ARSK: variants seen among roughly 807,000 people sequenced by gnomAD.
The protein encoded by ARSK is arylsulfatase family member K, also known as arylsulfatase K.
A neutral mutation model predicts 53.2 loss-of-function variants in ARSK; 37 were observed. The ratio of observed to expected loss-of-function variants is 0.70; its 90% CI spans 0.54 to 0.92. The LOEUF (loss-of-function observed/expected upper bound fraction) is 0.92, where lower values mean the gene tolerates loss of function less well. ARSK is among the 40% of genes least tolerant of loss of function. The pLI is 0.00. For synonymous variants in ARSK, 208 were observed against 223.2 expected (o/e 0.93, Z 0.61); for missense variants, 613 against 643.0 (o/e 0.95, Z 0.51).
At chr5:95,600,506 G>A in intron 6 of ARSK, 1 of 399,678 alleles carries the variant, frequency 2.5e-6, no homozygotes, top group Non-Finnish European at 4.8e-6. Context: ...ACTATTTGTT[G>A]AAGGCTCCTA....
intron 6 of ARSK, among the ~76,000 whole-genome samples, chr5:95,599,611 C>T (rs1749364375): frequency 6.6e-6 from 1 of 152,178 alleles, no homozygotes; most frequent in Non-Finnish European, 1.5e-5. Context: ...TAACCAGTCA[C>T]CTCTGAAATA....
At chr5:95,586,794 C>T in intron 5 of ARSK, 61 bp downstream of exon 5, 1 of 1,389,916 alleles carries the variant, frequency 7.2e-7, no homozygotes, top group South Asian at 1.5e-5. Flanking sequence ...TTCCAACAGT[C>T]TGTAATCATG....
chr5:95,585,835 A>T (rs899700777), intron 4 of ARSK, among the ~76,000 whole-genome samples: 2 of 152,216 alleles, frequency 1.3e-5, no homozygotes, highest in Admixed American at 1.3e-4. Flanking sequence ...TAAAAAAACT[A>T]ATCAGAAACA....
intron 3 of ARSK, among the ~76,000 whole-genome samples, chr5:95,577,339 C>T (rs753208756): frequency 2.6e-5 from 4 of 152,062 alleles, no homozygotes; most frequent in Admixed American, 2.0e-4. Flanking sequence ...TGATCTAAAC[C>T]ATTTTTAGAT....
Position 95,604,833 on chromosome 5 carries a change from G to A in ARSK, c.*1307G>A, listed in dbSNP as rs1749473320. Reference sequence around the variant, plus strand: ...CTATTCTTTGCCTATTTTTCTGTTGGTTGTTGGTCTTTGTTTTGTATTACA... The same window carrying A: ...CTATTCTTTGCCTATTTTTCTGTTGATTGTTGGTCTTTGTTTTGTATTACA... On this transcript the variant is annotated 3_prime_UTR_variant, in exon 8 of 8. Transcript: ENST00000380009. The A allele has an allele frequency of 1.3e-5, 2 of 152,058 alleles. No individual in the cohort carries two copies. The allele number at this position is 152,058 out of a possible 1,614,324, so 9.4% of individuals were successfully genotyped here. A position where few individuals can be genotyped will look rare whatever the true frequency, so the allele number is the denominator to read the frequency against.
intron 3 of ARSK, among the ~76,000 whole-genome samples, chr5:95,568,749 A>G (rs1748773943): frequency 1.3e-5 from 2 of 152,168 alleles, no homozygotes; most frequent in Admixed American, 6.5e-5. Flanking sequence ...GAGTATTCCC[A>G]CTATTCCTTA....
rs957133720 is a variant in ARSK, at chr5:95,555,409, G to T, written c.126+5G>T. ...CTGGTCGTGAGCGACTCCTTCGTAA[G>T]TACCGCGAGGCAGGGGAGGGGCGCC... On this transcript the variant is annotated splice_donor_5th_base_variant and intron_variant, in intron 1 of 7. Coordinates refer to ENST00000380009, the MANE Select transcript of ARSK (RefSeq NM_198150.3). The surrounding 1 kb of genome is among the most constrained non-coding windows in gnomAD (Gnocchi z 4.0). 1 of 1,599,702 alleles carries T rather than the reference G, an allele frequency of 6.3e-7. No individual in the cohort carries two copies. Among genetic ancestry groups the T allele is most frequent in the African/African-American group, 1.3e-5 (1 of 74,408 alleles).
intron 3 of ARSK, among the ~76,000 whole-genome samples, chr5:95,579,238 G>A (rs1449822023): frequency 6.6e-6 from 1 of 152,134 alleles, no homozygotes; most frequent in African/African-American, 2.4e-5. Flanking sequence ...TTGTGATTCA[G>A]TGAGTCTAGG....
chr5:95,580,111 A>C (rs531304035), intron 3 of ARSK, among the ~76,000 whole-genome samples: 1 of 152,342 alleles, frequency 6.6e-6, no homozygotes, highest in South Asian at 2.1e-4. Context: ...ATTTATATTG[A>C]GAACAGCCAT....
intron 5 of ARSK, among the ~76,000 whole-genome samples, chr5:95,587,188 A>G (rs1192965285): frequency 6.6e-6 from 1 of 152,136 alleles, no homozygotes; most frequent in Non-Finnish European, 1.5e-5. Context: ...TGGCTTAACT[A>G]AAGTTTCTCC....
chr5:95,562,195 G>A (rs558902151), intron 1 of ARSK, among the ~76,000 whole-genome samples: 223 of 151,768 alleles, frequency 1.5e-3, no homozygotes, highest in African/African-American at 5.3e-3. Context: ...TTGGTGACAG[G>A]GTGAGTCTCT....
intron 6 of ARSK, among the ~76,000 whole-genome samples, chr5:95,596,108 G>A (rs540444393): frequency 1.3e-5 from 2 of 152,246 alleles, no homozygotes; most frequent in East Asian, 1.9e-4. Flanking sequence ...GATGGTCTAC[G>A]TTTAATCTGA....
chr5:95,572,428 T>G (rs917140879), intron 3 of ARSK, among the ~76,000 whole-genome samples: 1 of 152,222 alleles, frequency 6.6e-6, no homozygotes, highest in Non-Finnish European at 1.5e-5. Context: ...CTTCACATTA[T>G]ATGTATTGTG....
At chr5:95,571,050 G>C (rs568735521) in intron 3 of ARSK, among the ~76,000 whole-genome samples, 2 of 152,250 alleles carry the variant, frequency 1.3e-5, no homozygotes, top group East Asian at 1.9e-4. Context: ...CAAAGTGTTG[G>C]GATTACAGGC....
In ARSK at chr5:95,586,577, A is replaced by G. The variant is rs1476594462; in HGVS notation, c.715A>G (p.Ile239Val). Residue 239 changes from isoleucine (I) to valine (V), a missense_variant, in exon 5 of 8, where the codon ATC (isoleucine) becomes GTC (valine). By Grantham distance (29) the Ile-to-Val change is conservative (BLOSUM62 3). Coordinates refer to ENST00000380009, the MANE Select transcript of ARSK (RefSeq NM_198150.3). The part of the protein sequence containing the change: ...YWLEKVSHDA[I>V]KIPKWSPLSE... ...CCCTTTTTAGGTGTCTCATGATGCC[A>G]TCAAAATCCCAAAGTGGTCACCTTT... is the stretch of plus-strand genomic sequence containing the variant. The G allele has an allele frequency of 1.9e-6, 3 of 1,611,926 alleles. No individual in the cohort carries two copies. The highest frequency in any genetic ancestry group is 2.5e-6 in the Non-Finnish European group (3 of 1,179,340).
In ARSK at chr5:95,603,397, T is replaced by C. The variant is rs1749442014; in HGVS notation, c.1482T>C (p.Ser494=). The C allele has an allele frequency of 6.2e-7, 1 of 1,613,610 alleles. No homozygotes were observed. Among genetic ancestry groups the C allele is most frequent in the African/African-American group, 1.3e-5 (1 of 74,856 alleles). ...AGCAGTTTATCAAGTGGAAACAAAG[T>C]ATAGGACAGAATTATTCAAACGTTA... ...NKEQFIKWKQ[S]IGQNYSNVIA... The change falls in exon 8 of 8, where the codon AGT becomes AGC. Residue 494 remains serine (S), a synonymous_variant. Coordinates refer to ENST00000380009, the MANE Select transcript of ARSK (RefSeq NM_198150.3).
In ARSK at chr5:95,586,562, G is replaced by A. The variant is rs769172642; in HGVS notation, c.700G>A (p.Val234Met). Reference protein sequence around the residue: ...FHTSLYWLEKVSHDAIKIPKW... With the variant: ...FHTSLYWLEKMSHDAIKIPKW... ...ACTAAGTTTTTTCTCCCCTTTTTAG[G>A]TGTCTCATGATGCCATCAAAATCCC... The change falls in exon 5 of 8, where the codon GTG becomes ATG. Residue 234 changes from valine (V) to methionine (M), a missense_variant and splice_region_variant. Physicochemically the swap from Val to Met is conservative, Grantham distance 21. Coordinates refer to ENST00000380009, the MANE Select transcript of ARSK (RefSeq NM_198150.3). The A allele has an allele frequency of 1.9e-6, 3 of 1,605,730 alleles. No homozygotes were observed. Among genetic ancestry groups the A allele is most frequent in the Non-Finnish European group, 2.5e-6 (3 of 1,177,518 alleles).
At chr5:95,570,882 A>G (rs1748818390) in intron 3 of ARSK, among the ~76,000 whole-genome samples, 1 of 151,018 alleles carries the variant, frequency 6.6e-6, no homozygotes, top group Non-Finnish European at 1.5e-5. Flanking sequence ...CCCGGGTTCC[A>G]GCGATTCTCC....
At chr5:95,600,646 T>A (rs1429622380) in intron 6 of ARSK, 2 of 686,640 alleles carry the variant, frequency 2.9e-6, no homozygotes, top group Non-Finnish European at 5.3e-6. Flanking sequence ...GAGGTTGAGA[T>A]AAGTAAATTA....
Sources: allele counts gnomAD v4.1 joint callset (sites outside exome capture counted in the v4.1 genomes callset), GRCh38; gene constraint gnomAD v4.1.1; non-coding constraint Gnocchi (gnomAD v3.1); transcripts MANE v1.5; gene names NCBI Gene and HGNC (gene_info 2026-07-23, HGNC 2026-07-21).